ELL: variants seen among roughly 807,000 people sequenced by gnomAD.
ELL encodes elongation factor for RNA polymerase II.
A neutral mutation model predicts 64.0 loss-of-function variants in ELL; 18 were observed. The ratio of observed to expected loss-of-function variants is 0.28; its 90% CI spans 0.19 to 0.42. The LOEUF is 0.42. ELL is among the 10% of genes least tolerant of loss of function. ELL has a pLI of 1.00. For synonymous variants in ELL, 399 were observed against 376.2 expected, an observed-to-expected ratio of 1.06 and a Z score of -0.70; for missense variants, 797 against 870.4, an observed-to-expected ratio of 0.92 and a Z score of 1.06.
chr19:18,472,787 A>G, intron 2 of ELL, 48 bp downstream of exon 2: 3 of 1,580,458 alleles, frequency 1.9e-6, no homozygotes, highest in Non-Finnish European at 2.6e-6. Flanking sequence ...ACCTGAGACT[A>G]TACCAGTCCC....
intron 5 of ELL, 40 bp downstream of exon 5, chr19:18,461,538 G>C: frequency 1.3e-6 from 2 of 1,562,492 alleles, no homozygotes; most frequent in Middle Eastern, 2.1e-4. Flanking sequence ...ACCATCTGCG[G>C]AGACCACTGG....
chr19:18,459,310 A>G (rs1974752163), intron 5 of ELL, among the ~76,000 whole-genome samples: 1 of 152,180 alleles, frequency 6.6e-6, no homozygotes, highest in South Asian at 2.1e-4. Flanking sequence ...CCGGTTGACC[A>G]AAGCTAAGTT....
intron 2 of ELL, among the ~76,000 whole-genome samples, chr19:18,467,162 C>A (rs1297930774): frequency 6.6e-6 from 1 of 152,156 alleles, no homozygotes; most frequent in Non-Finnish European, 1.5e-5. Flanking sequence ...AAGAACAGTT[C>A]CTGGGTTCGG....
At chr19:18,485,559 G>A (rs970942882) in intron 1 of ELL, among the ~76,000 whole-genome samples, 5 of 152,132 alleles carry the variant, frequency 3.3e-5, no homozygotes, top group Admixed American at 2.6e-4. Context: ...GGGAGACCAG[G>A]TCTGGCCCCC....
At chr19:18,460,890 A>C (rs1452947272) in intron 5 of ELL, among the ~76,000 whole-genome samples, 41 of 152,118 alleles carry the variant, frequency 2.7e-4, no homozygotes, top group Admixed American at 2.7e-3. Context: ...TAGCCTGGCT[A>C]ATGTTCTGAA....
chr19:18,449,109 C>T lies in ELL; in HGVS notation c.1465+1368G>A, dbSNP rs1414496582. On this transcript the variant is annotated intron_variant, in intron 8 of 11. Transcript: ENST00000262809. The surrounding 1 kb of genome is among the most constrained non-coding windows in gnomAD (Gnocchi z 4.4). ...GTGGTAGAGATGACAGCCCCTGGGC[C>T]GGGGATGAACTGCCTAGGGGCCAAC... Among the ~76,000 whole-genome samples, 1 of 152,122 alleles carries T rather than the reference C, an allele frequency of 6.6e-6. No individual in the cohort carries two copies. The highest frequency in any genetic ancestry group is 1.5e-5 in the Non-Finnish European group (1 of 68,020).
intron 2 of ELL, among the ~76,000 whole-genome samples, chr19:18,468,227 T>TACAC (rs112698624): frequency 0.13 from 19,562 of 147,904 alleles, 1,332 homozygotes; most frequent in South Asian, 0.2. Flanking sequence ...AAACAATCCA[T>TACAC]ACACACACAC....
At chr19:18,472,712 G>C in intron 2 of ELL, 123 bp downstream of exon 2, 1 of 1,231,072 alleles carries the variant, frequency 8.1e-7, no homozygotes, top group Non-Finnish European at 1.1e-6. Flanking sequence ...ACCCAGCCTT[G>C]CATGGTGGCA....
Position 18,465,317 on chromosome 19 carries a change from G to C in ELL, c.469+95C>G, listed in dbSNP as rs1359957999. ...CGGTTGACCCATCATTTCTGTGCAG[G>C]GCACAGCCAGTGCCCAGCCTGGACA... On this transcript the variant is annotated intron_variant, in intron 4 of 11. Coordinates refer to ENST00000262809, the MANE Select transcript of ELL (RefSeq NM_006532.4). The C allele has an allele frequency of 1.2e-5, 17 of 1,470,308 alleles. No homozygotes were observed. The Admixed American group carries it at 3.7e-4, about 32-fold the overall frequency. The allele number at this position is 1,470,308 out of a possible 1,614,324, so 91.1% of individuals were successfully genotyped here.
chr19:18,456,887 C>A (rs1974689657), intron 6 of ELL, among the ~76,000 whole-genome samples: 1 of 151,418 alleles, frequency 6.6e-6, no homozygotes, highest in Non-Finnish European at 1.5e-5. Context: ...CAAGGCCCTG[C>A]TTTGATATAC....
chr19:18,484,226 A>T (rs1286677535), intron 1 of ELL, among the ~76,000 whole-genome samples: 1 of 152,144 alleles, frequency 6.6e-6, no homozygotes, highest in East Asian at 1.9e-4. Flanking sequence ...CACTTTGGGA[A>T]GCCGAGGTGG....
intron 2 of ELL, among the ~76,000 whole-genome samples, chr19:18,468,611 G>A (rs1975000671): frequency 6.6e-6 from 1 of 152,238 alleles, no homozygotes. Flanking sequence ...GTGGCTGTGG[G>A]AACCTGAGCC....
intron 5 of ELL, among the ~76,000 whole-genome samples, chr19:18,459,100 G>A (rs111615037): frequency 0.016 from 2,427 of 152,044 alleles, 20 homozygotes; most frequent in Non-Finnish European, 0.027. Context: ...GGCTGGTCTC[G>A]AGCTCCTGGC....
chr19:18,491,963 A>G (rs1285462249), intron 1 of ELL, among the ~76,000 whole-genome samples: 3 of 152,166 alleles, frequency 2.0e-5, no homozygotes, highest in Admixed American at 2.0e-4. Flanking sequence ...ATACATATAC[A>G]CACACTCCCT....
chr19:18,493,306 C>T (rs1458419818), intron 1 of ELL, among the ~76,000 whole-genome samples: 1 of 152,224 alleles, frequency 6.6e-6, no homozygotes, highest in African/African-American at 2.4e-5. Flanking sequence ...GGAAGCTGTG[C>T]CCACACCTTC....
intron 4 of ELL, among the ~76,000 whole-genome samples, chr19:18,462,334 G>GGTGTGTGTGTGTGTGTGT (rs765676443): frequency 3.3e-5 from 3 of 90,512 alleles, no homozygotes; most frequent in African/African-American, 2.1e-4. Context: ...ACTCTAGTGG[G>GGTGTGTGTGTGTGTGTGT]CTGTGTGTGT....
intron 6 of ELL, among the ~76,000 whole-genome samples, 186 bp from the exon 7 acceptor site, chr19:18,451,834 AAGG>A (rs1974545439): frequency 6.6e-6 from 1 of 152,132 alleles, no homozygotes; most frequent in Non-Finnish European, 1.5e-5. Context: ...ACTTCACCCA[AAGG>A]AGGACTTCCC....
At chr19:18,453,794 C>T (rs1974592702) in intron 6 of ELL, among the ~76,000 whole-genome samples, 1 of 152,170 alleles carries the variant, frequency 6.6e-6, no homozygotes, top group East Asian at 1.9e-4. Flanking sequence ...TGAGCCCAGG[C>T]TTGGGCTCAA....
intron 5 of ELL, among the ~76,000 whole-genome samples, chr19:18,459,390 T>G (rs1010257940): frequency 2.6e-5 from 4 of 152,218 alleles, no homozygotes; most frequent in Non-Finnish European, 5.9e-5. Flanking sequence ...AAGCTCCAGG[T>G]CACTGCCCTG....
Sources: allele counts gnomAD v4.1 joint callset (sites outside exome capture counted in the v4.1 genomes callset), GRCh38; gene constraint gnomAD v4.1.1; non-coding constraint Gnocchi (gnomAD v3.1); transcripts MANE v1.5; gene names NCBI Gene and HGNC (gene_info 2026-07-23, HGNC 2026-07-21).